Variants in PCP4L1 observed in about 807,000 individuals in gnomAD.
The protein encoded by PCP4L1 is Purkinje cell protein 4 like 1.
A neutral mutation model predicts 9.6 loss-of-function variants in PCP4L1; 9 were observed. That is an observed-to-expected ratio of 0.94 (90% CI 0.57 to 1.64). The LOEUF (loss-of-function observed/expected upper bound fraction) is 1.64. Ranked by LOEUF, PCP4L1 falls within the 40% of genes most tolerant of loss-of-function variation. The pLI, the probability that PCP4L1 is intolerant of heterozygous loss-of-function variation, is 0.00. For synonymous variants in PCP4L1, 31 were observed against 28.2 expected (o/e 1.10, Z -0.31); for missense variants, 81 against 80.8 (o/e 1.00, Z -0.01).
intron 1 of PCP4L1, among the ~76,000 whole-genome samples, chr1:161,268,522 T>G (rs1669571421): frequency 6.6e-6 from 1 of 151,860 alleles, no homozygotes; most frequent in African/African-American, 2.4e-5. Flanking sequence ...CTATGTATTT[T>G]ACATACATTT....
intron 1 of PCP4L1, among the ~76,000 whole-genome samples, chr1:161,269,108 C>A (rs1179197796): frequency 1.3e-5 from 2 of 151,858 alleles, no homozygotes; most frequent in Non-Finnish European, 2.9e-5. Flanking sequence ...ATGGTAAGGC[C>A]TAAGCAAATT....
intron 1 of PCP4L1, among the ~76,000 whole-genome samples, chr1:161,276,676 T>C (rs1669702694): frequency 8.1e-6 from 1 of 123,896 alleles, no homozygotes; most frequent in South Asian, 2.8e-4. Flanking sequence ...GCAAGACTTA[T>C]CTCTTAAAAA....
At chr1:161,271,878 C>T (rs892927453) in intron 1 of PCP4L1, among the ~76,000 whole-genome samples, 2 of 151,828 alleles carry the variant, frequency 1.3e-5, no homozygotes, top group African/African-American at 4.8e-5. Context: ...GATCATAGCT[C>T]ACTGCAGCCT....
intron 1 of PCP4L1, among the ~76,000 whole-genome samples, chr1:161,273,564 A>G (rs182962165): frequency 7.9e-4 from 121 of 152,304 alleles, no homozygotes; most frequent in African/African-American, 2.7e-3. Flanking sequence ...TTGAAATGGA[A>G]GCCAGTAGAA....
At chr1:161,272,553 C>T (rs1274262678) in intron 1 of PCP4L1, among the ~76,000 whole-genome samples, 9 of 134,854 alleles carry the variant, frequency 6.7e-5, no homozygotes, top group East Asian at 2.1e-4. Context: ...AGCGAAACTC[C>T]GTCTCAAAAA....
At chr1:161,278,500 C>T (rs1375270463) in intron 1 of PCP4L1, among the ~76,000 whole-genome samples, 2 of 151,648 alleles carry the variant, frequency 1.3e-5, no homozygotes, top group East Asian at 3.9e-4. Context: ...AACTCCTGGG[C>T]TCAAGTGATC....
intron 1 of PCP4L1, among the ~76,000 whole-genome samples, chr1:161,261,433 A>C (rs1558140833): frequency 1.3e-5 from 2 of 152,190 alleles, no homozygotes; most frequent in South Asian, 4.1e-4. Flanking sequence ...TTCGTGCACG[A>C]AGGAGCTGCA....
At chr1:161,259,103 G>A in intron 1 of PCP4L1, 120 bp downstream of exon 1, 1 of 1,377,728 alleles carries the variant, frequency 7.3e-7, no homozygotes, top group Non-Finnish European at 9.6e-7. Context: ...ACCCTCCAGG[G>A]GCGCCCCACT....
rs1380782506 is a variant in PCP4L1, at chr1:161,258,846, C to G, written c.-129C>G. The stretch of plus-strand genomic sequence containing the variant: ...AGAGCAGCGGCTCTCCGCACTAACT[C>G]TCCTCTCCTGGTCAGCTGTAACCCC... On this transcript the variant is annotated 5_prime_UTR_variant, in exon 1 of 3. Coordinates refer to ENST00000504449, the MANE Select transcript of PCP4L1 (RefSeq NM_001102566.2). 6.5e-6 allele frequency: 9 copies of G among 1,387,178 alleles called. No individual in the cohort carries two copies. In the Admixed American group the frequency reaches 9.9e-5, roughly 15 times the overall value. The allele number at this position is 1,387,178 out of a possible 1,614,324, so 85.9% of individuals were successfully genotyped here.
intron 1 of PCP4L1, among the ~76,000 whole-genome samples, chr1:161,266,203 C>T (rs1399484388): frequency 2.6e-5 from 4 of 152,168 alleles, no homozygotes; most frequent in Admixed American, 2.0e-4. Context: ...AAAAGGGGTA[C>T]ATTTATCGTT....
At chr1:161,277,206 T>C (rs1310936401) in intron 1 of PCP4L1, among the ~76,000 whole-genome samples, 2 of 152,176 alleles carry the variant, frequency 1.3e-5, no homozygotes. Flanking sequence ...AAAAGGAAAT[T>C]AAAGCAATCC....
In PCP4L1 at chr1:161,284,628, C is replaced by A; in HGVS notation, c.*147C>A. 2 of 1,092,080 alleles carry A rather than the reference C, an allele frequency of 1.8e-6. No homozygotes were observed. Among genetic ancestry groups the A allele is most frequent in the Non-Finnish European group, 2.6e-6 (2 of 770,246 alleles). 67.6% of individuals were successfully genotyped at this position (1,092,080 alleles called of 1,614,324 possible). Reference sequence around the variant, plus strand: ...TACTCTTGTATCTGGCCCCCTCAAGCCATCACAGAAGTAGAGGCACAAGAG... The same window carrying A: ...TACTCTTGTATCTGGCCCCCTCAAGACATCACAGAAGTAGAGGCACAAGAG... On this transcript the variant is annotated 3_prime_UTR_variant, in exon 3 of 3. Coordinates refer to ENST00000504449, the MANE Select transcript of PCP4L1 (RefSeq NM_001102566.2).
intron 1 of PCP4L1, among the ~76,000 whole-genome samples, chr1:161,259,790 C>G (rs1286234241): frequency 6.6e-6 from 1 of 152,234 alleles, no homozygotes; most frequent in East Asian, 1.9e-4. Context: ...TGAAGTCAGT[C>G]TGGTTAGTGG....
chr1:161,277,119 T>A (rs1181155814), intron 1 of PCP4L1, among the ~76,000 whole-genome samples: 1 of 152,144 alleles, frequency 6.6e-6, no homozygotes, highest in Non-Finnish European at 1.5e-5. Context: ...AATAAATGAT[T>A]TCAGCAAAGT....
chr1:161,264,483 C>T (rs911503797), intron 1 of PCP4L1, among the ~76,000 whole-genome samples: 2 of 151,996 alleles, frequency 1.3e-5, no homozygotes, highest in African/African-American at 4.8e-5. Context: ...CACCACTGCA[C>T]TCCAGCCTGT....
intron 1 of PCP4L1, among the ~76,000 whole-genome samples, chr1:161,281,271 T>C (rs916050584): frequency 4.2e-4 from 64 of 152,216 alleles, no homozygotes; most frequent in African/African-American, 1.5e-3. Flanking sequence ...ACCATCCGAT[T>C]TCTCAATCTT....
At chr1:161,278,681 A>G (rs1256670318) in intron 1 of PCP4L1, among the ~76,000 whole-genome samples, 1 of 152,130 alleles carries the variant, frequency 6.6e-6, no homozygotes, top group Admixed American at 6.5e-5. Flanking sequence ...AAAAAAATCG[A>G]AATTCTTTGT....
rs12091289 is a variant in PCP4L1, at chr1:161,284,844, G to C, written c.*363G>C. ...AAGGCTTTCAGAGTAGGGTGCCTGA[G>C]GGTGGGACATATGCACTGTTCTGCT... On this transcript the variant is annotated 3_prime_UTR_variant, in exon 3 of 3. Coordinates refer to ENST00000504449, the MANE Select transcript of PCP4L1 (RefSeq NM_001102566.2). 42,540 of 257,026 alleles carry C rather than the reference G, an allele frequency of 0.17. 3,954 individuals carry two copies. The highest frequency in any genetic ancestry group is 0.25 in the African/African-American group (11,421 of 45,818). The allele number at this position is 257,026 out of a possible 1,614,324, so 15.9% of individuals were successfully genotyped here. A position where few individuals can be genotyped will look rare whatever the true frequency, so the allele number is the denominator to read the frequency against.
chr1:161,270,971 G>A (rs1331857170), intron 1 of PCP4L1, among the ~76,000 whole-genome samples: 2 of 152,074 alleles, frequency 1.3e-5, no homozygotes, highest in Non-Finnish European at 1.5e-5. Flanking sequence ...TGGAAAGTGG[G>A]CCTCACCAGT....
Sources: allele counts gnomAD v4.1 joint callset (sites outside exome capture counted in the v4.1 genomes callset), GRCh38; gene constraint gnomAD v4.1.1; transcripts MANE v1.5; gene names NCBI Gene and HGNC (gene_info 2026-07-23, HGNC 2026-07-21).